Variants in SOX5 observed in about 807,000 individuals in gnomAD.
SOX5 encodes SRY-box transcription factor 5.
In SOX5, 9 loss-of-function variants were observed where a neutral mutation model predicts 92.0. That is an observed-to-expected ratio of 0.10 (90% CI 0.06 to 0.17). SOX5 has a LOEUF of 0.17. Ranked by LOEUF, SOX5 falls within the 10% of genes least tolerant of loss-of-function variation. SOX5 has a pLI of 1.00. For missense variants in SOX5, 642 were observed against 944.5 expected, an observed-to-expected ratio of 0.68 and a Z score of 4.20; for synonymous variants, 344 against 336.3, an observed-to-expected ratio of 1.02 and a Z score of -0.25.
intron 4 of SOX5, among the ~76,000 whole-genome samples, chr12:24,118,280 G>A (rs567483442): frequency 2.0e-5 from 3 of 151,972 alleles, no homozygotes; most frequent in Admixed American, 1.3e-4. Context: ...ATGATAAGTC[G>A]GTGAGGTGAT....
intron 4 of SOX5, among the ~76,000 whole-genome samples, chr12:24,001,620 C>A (rs533845391): frequency 1.3e-5 from 2 of 151,938 alleles, no homozygotes; most frequent in Admixed American, 1.3e-4. Context: ...GAGTTCAAGA[C>A]TAGTCTAGGC....
At chr12:24,030,185 A>AT (rs1407577420) in intron 4 of SOX5, among the ~76,000 whole-genome samples, 1 of 151,870 alleles carries the variant, frequency 6.6e-6, no homozygotes, top group South Asian at 2.1e-4. Context: ...AAATAATACT[A>AT]TTTTTTTGAT....
intron 3 of SOX5, among the ~76,000 whole-genome samples, chr12:23,776,083 A>G (rs1209334861): frequency 6.6e-6 from 1 of 152,230 alleles, no homozygotes; most frequent in Non-Finnish European, 1.5e-5. Context: ...TAATGCTAAT[A>G]AATATAATCG....
chr12:24,482,720 T>C (rs771891302), intron 1 of SOX5, among the ~76,000 whole-genome samples: 10 of 152,130 alleles, frequency 6.6e-5, no homozygotes, highest in Admixed American at 1.3e-4. Context: ...GATACTACTT[T>C]TAATTTGTGT....
rs1405794794 is a variant in SOX5, at chr12:23,573,836, C to G, written c.1342+1825G>C. Among the ~76,000 whole-genome samples the G allele has an allele frequency of 4.0e-5, 6 of 151,882 alleles. No homozygotes were observed. In the East Asian group the frequency reaches 1.2e-3, roughly 29 times the overall value. On this transcript the variant is annotated intron_variant, in intron 10 of 14. Transcript: ENST00000451604. ...GGTTCACTGTCATGCTACAAGCAGC[C>G]CTAGGGACAGGCCTATGTGGCAAAG... is the stretch of plus-strand genomic sequence containing the variant.
rs564368424 is a variant in SOX5, at chr12:23,971,279, T to A, written c.-1-75255A>T. On this transcript the variant is annotated intron_variant, in intron 4 of 4. Transcript: ENST00000446891. Reference sequence around the variant, plus strand: ...CTGGGACTACAGGTGCCCGCCACCATGCCTGGCTAATTTTTTGTATTTTTA... The same window carrying A: ...CTGGGACTACAGGTGCCCGCCACCAAGCCTGGCTAATTTTTTGTATTTTTA... Among the ~76,000 whole-genome samples, 581 of 151,482 alleles carry A rather than the reference T, an allele frequency of 3.8e-3. 7 individuals carry two copies. The highest frequency in any genetic ancestry group is 0.013 in the African/African-American group (553 of 41,282).
Position 24,260,558 on chromosome 12 carries a change from G to C in SOX5, c.-77+16658C>G, listed in dbSNP as rs1056417695. On this transcript the variant is annotated intron_variant, in intron 3 of 4. Coordinates refer to the SOX5 transcript ENST00000446891. ...TACAGGGGAAGAGAGATGATTTAGGGTGGTTACTTTTCTAACAGAGCTCCT... is the reference window on the plus strand; with the variant it reads ...TACAGGGGAAGAGAGATGATTTAGGCTGGTTACTTTTCTAACAGAGCTCCT... Among the ~76,000 whole-genome samples, 6 of 152,208 alleles carry C rather than the reference G, an allele frequency of 3.9e-5. No homozygotes were observed. The South Asian group carries it at 1.0e-3, about 26-fold the overall frequency.
intron 4 of SOX5, among the ~76,000 whole-genome samples, chr12:24,051,754 C>G (rs1957581465): frequency 6.6e-6 from 1 of 152,158 alleles, no homozygotes; most frequent in South Asian, 2.1e-4. Context: ...TAGCCAAATT[C>G]TCTTTTGTTA....
chr12:24,076,043 C>T (rs372620543), intron 4 of SOX5, among the ~76,000 whole-genome samples: 1 of 152,096 alleles, frequency 6.6e-6, no homozygotes, highest in African/African-American at 2.4e-5. Flanking sequence ...GTAACTTTCG[C>T]CCCATTGGTT....
At chr12:24,291,112 T>A (rs1453457505) in intron 2 of SOX5, among the ~76,000 whole-genome samples, 1 of 152,208 alleles carries the variant, frequency 6.6e-6, no homozygotes, top group African/African-American at 2.4e-5. Context: ...TTATTATTTT[T>A]AAAATATGAC....
intron 1 of SOX5, among the ~76,000 whole-genome samples, chr12:24,445,070 G>A (rs1471398862): frequency 6.6e-6 from 1 of 152,186 alleles, no homozygotes. Context: ...CTCCAGGACT[G>A]ACATTAGTCT....
intron 4 of SOX5, among the ~76,000 whole-genome samples, chr12:24,116,622 T>C (rs528364799): frequency 6.6e-6 from 1 of 151,976 alleles, no homozygotes; most frequent in African/African-American, 2.4e-5. Context: ...GATGTAACCC[T>C]TTTTTTCCCT....
chr12:24,111,062 G>C (rs1487232134), intron 4 of SOX5, among the ~76,000 whole-genome samples: 2 of 151,894 alleles, frequency 1.3e-5, no homozygotes, highest in African/African-American at 4.8e-5. Context: ...TGCATTGTAG[G>C]GGGTATAGCA....
In SOX5 at chr12:23,899,119, G is replaced by A. The variant is rs180762953; in HGVS notation, c.39-3095C>T. ...GGGCAGAAAAAAGTCTCATTAAGAA[G>A]GCACCACAGGCCGGTTGCAGTGGCT... is the stretch of plus-strand genomic sequence containing the variant. On this transcript the variant is annotated intron_variant, in intron 1 of 14. Coordinates refer to ENST00000451604, the MANE Select transcript of SOX5 (RefSeq NM_006940.6). Among the ~76,000 whole-genome samples the A allele has an allele frequency of 2.6e-5, 4 of 152,200 alleles. No homozygotes were observed. The East Asian group carries it at 7.7e-4, about 29-fold the overall frequency.
chr12:23,642,331 G>A (rs780462174), intron 7 of SOX5, among the ~76,000 whole-genome samples: 4 of 152,162 alleles, frequency 2.6e-5, no homozygotes, highest in Non-Finnish European at 5.9e-5. Context: ...TAAATGATTA[G>A]TATAATATAT....
At chr12:24,166,338 C>A (rs1245760264) in intron 4 of SOX5, among the ~76,000 whole-genome samples, 1 of 152,096 alleles carries the variant, frequency 6.6e-6, no homozygotes, top group Non-Finnish European at 1.5e-5. Context: ...GTTCAGCCAG[C>A]CAATGAATAT....
chr12:23,557,950 T>C (rs1945493036), intron 11 of SOX5, among the ~76,000 whole-genome samples: 1 of 128,936 alleles, frequency 7.8e-6, no homozygotes, highest in Non-Finnish European at 1.5e-5. Context: ...CACTCCAGCC[T>C]GGGTGACAGA....
intron 3 of SOX5, among the ~76,000 whole-genome samples, chr12:23,785,271 A>G (rs2095358991): frequency 1.3e-5 from 2 of 152,304 alleles, no homozygotes; most frequent in South Asian, 4.1e-4. Context: ...ACATTACTTT[A>G]AAATTAGTCT....
upstream of SOX5, among the ~76,000 whole-genome samples, chr12:23,950,194 T>G (rs1330204247): frequency 6.6e-6 from 1 of 151,958 alleles, no homozygotes; most frequent in Non-Finnish European, 1.5e-5. Flanking sequence ...AATAGCATTT[T>G]TACACAAAGA....
Sources: gnomAD v4.1 joint callset for allele counts (sites outside exome capture counted in the v4.1 genomes callset) on GRCh38, gnomAD v4.1.1 for gene constraint, MANE v1.5 for transcripts, NCBI Gene and HGNC (gene_info 2026-07-23, HGNC 2026-07-21) for gene names.